Variants in MAP3K9 observed in about 807,000 individuals in gnomAD.
MAP3K9 encodes mitogen-activated protein kinase kinase kinase 9, also known as mixed lineage kinase 1 (tyr and ser/thr specificity).
MAP3K9 carries 46 observed loss-of-function variants against 95.8 expected under a neutral mutation model. The ratio of observed to expected loss-of-function variants is 0.48; its 90% CI spans 0.38 to 0.61. MAP3K9 has a LOEUF of 0.61. Ranked by LOEUF, MAP3K9 falls within the 20% of genes least tolerant of loss-of-function variation. The pLI, the probability that MAP3K9 is intolerant of heterozygous loss-of-function variation, is 0.00. For synonymous variants in MAP3K9, 533 were observed against 593.8 expected, an observed-to-expected ratio of 0.90 and a Z score of 1.49; for missense variants, 1,296 against 1,474.3, an observed-to-expected ratio of 0.88 and a Z score of 1.98.
chr14:70,785,614 T>C (rs1048083137), intron 2 of MAP3K9, among the ~76,000 whole-genome samples: 5 of 152,242 alleles, frequency 3.3e-5, no homozygotes, highest in Admixed American at 2.6e-4. Context: ...AGTGACACAG[T>C]GTTTGGTACT....
chr14:70,739,791 C>A, intron 7 of MAP3K9: 1 of 1,192,600 alleles, frequency 8.4e-7, no homozygotes, highest in East Asian at 2.6e-5. Context: ...CACTAAAGAT[C>A]CCATTAGTAC....
chr14:70,742,868 G>C (rs1353859542), intron 5 of MAP3K9, among the ~76,000 whole-genome samples: 1 of 148,898 alleles, frequency 6.7e-6, no homozygotes, highest in Non-Finnish European at 1.5e-5. Context: ...GTTTCTAGTC[G>C]CTCCTTCCTT....
chr14:70,776,081 C>T (rs1281938667), intron 2 of MAP3K9, among the ~76,000 whole-genome samples: 2 of 152,050 alleles, frequency 1.3e-5, no homozygotes, highest in Non-Finnish European at 2.9e-5. Context: ...CCCAGCTTCT[C>T]GGGAGGCTGA....
chr14:70,733,518 AC>A (rs979579984), intron 10 of MAP3K9, 176 bp from the exon 11 acceptor site: 5 of 602,362 alleles, frequency 8.3e-6, no homozygotes, highest in Non-Finnish European at 6.0e-6. Flanking sequence ...GGCTTTATCC[AC>A]CCCCCAACAC....
chr14:70,743,383 T>C (rs1489309251), intron 5 of MAP3K9, among the ~76,000 whole-genome samples: 1 of 152,110 alleles, frequency 6.6e-6, no homozygotes, highest in African/African-American at 2.4e-5. Flanking sequence ...CTAAAGAGCT[T>C]CTGCACAGCA....
intron 1 of MAP3K9, among the ~76,000 whole-genome samples, chr14:70,801,888 G>A (rs1413450675): frequency 6.6e-6 from 1 of 152,156 alleles, no homozygotes; most frequent in Non-Finnish European, 1.5e-5. Flanking sequence ...GAAGTATACG[G>A]TATATTAGGA....
intron 3 of MAP3K9, 89 bp from the exon 4 acceptor site, chr14:70,750,170 T>C: frequency 8.7e-7 from 1 of 1,149,566 alleles, no homozygotes; most frequent in Non-Finnish European, 1.3e-6. Flanking sequence ...GCATCCCACA[T>C]TCTCCCCAAC....
At position 70,725,710 on chromosome 14, in the gene MAP3K9, A is replaced by G. The variant is rs2053810969; in HGVS notation, c.*4670T>C. 1 of 152,238 alleles carries G rather than the reference A, an allele frequency of 6.6e-6. No individual in the cohort carries two copies. Among genetic ancestry groups the G allele is most frequent in the Non-Finnish European group, 1.5e-5 (1 of 68,040 alleles). 9.4% of individuals were successfully genotyped at this position (152,238 alleles called of 1,614,324 possible). ...GGTAATGCGTTTCTAACAATAGTAT[A>G]CCTTGACAAAGACAAGTCATTCTCA... is the stretch of plus-strand genomic sequence containing the variant. On this transcript the variant is annotated 3_prime_UTR_variant, in exon 12 of 12. Coordinates refer to ENST00000554752, the MANE Select transcript of MAP3K9 (RefSeq NM_001284230.2).
intron 2 of MAP3K9, among the ~76,000 whole-genome samples, chr14:70,786,757 G>GT (rs747763607): frequency 1.3e-5 from 2 of 152,232 alleles, no homozygotes; most frequent in Non-Finnish European, 2.9e-5. Flanking sequence ...GTTCACAACT[G>GT]TAAGGTTCCA....
Position 70,732,955 on chromosome 14 carries a change from C to T in MAP3K9, c.2414G>A (p.Arg805His), listed in dbSNP as rs755374301. 51 of 1,613,992 alleles carry T rather than the reference C, an allele frequency of 3.2e-5. No homozygotes were observed. The highest frequency in any genetic ancestry group is 8.0e-5 in the African/African-American group (6 of 74,898). Residue 805 changes from arginine (R) to histidine (H), a missense_variant, in exon 11 of 12, where the codon CGT becomes CAT. Arg to His is a conservative substitution (Grantham distance 29). Transcript: ENST00000554752. ...TCGGGATGGGGGGCTGGTGCTCCGA[C>T]GAGGACGGCTGGACCTCTGAAAAAG... ...EGLFQRSSRP[R>H]RSTSPPSRKL...
At chr14:70,776,692 T>C (rs1360773106) in intron 2 of MAP3K9, among the ~76,000 whole-genome samples, 4 of 152,096 alleles carry the variant, frequency 2.6e-5, no homozygotes, top group Non-Finnish European at 5.9e-5. Context: ...GTAGGTCCCA[T>C]ATAGCTGTTC....
chr14:70,734,531 C>G (rs202011736), intron 9 of MAP3K9, 33 bp from the exon 10 acceptor site: 1 of 1,277,688 alleles, frequency 7.8e-7, no homozygotes, highest in African/African-American at 1.5e-5. Context: ...ACTGTCAGAA[C>G]TGGTTACCTT....
chr14:70,747,006 A>C (rs574265567), intron 5 of MAP3K9, among the ~76,000 whole-genome samples: 1 of 152,216 alleles, frequency 6.6e-6, no homozygotes, highest in Non-Finnish European at 1.5e-5. Context: ...CAGGGACCCT[A>C]AAGAGTCATT....
chr14:70,749,612 G>A (rs190056255), intron 4 of MAP3K9: 6 of 239,568 alleles, frequency 2.5e-5, no homozygotes, highest in Non-Finnish European at 4.0e-5. Context: ...TGTTCTTCAC[G>A]TCTCTTAAGG....
intron 1 of MAP3K9, 117 bp from the exon 2 acceptor site, chr14:70,801,197 G>T: frequency 2.1e-6 from 2 of 950,880 alleles, no homozygotes; most frequent in Admixed American, 2.8e-5. Flanking sequence ...GGGCCTTTCT[G>T]TCTCCCCATT....
chr14:70,747,558 G>A (rs912829301), intron 5 of MAP3K9, among the ~76,000 whole-genome samples: 1 of 152,114 alleles, frequency 6.6e-6, no homozygotes, highest in Non-Finnish European at 1.5e-5. Flanking sequence ...TCGGTTTTTG[G>A]AATCAGAAGA....
chr14:70,809,336 T>C lies in MAP3K9; in HGVS notation c.-165A>G. The C allele has an allele frequency of 1.1e-6, 1 of 892,308 alleles. No individual in the cohort carries two copies. The highest frequency in any genetic ancestry group is 1.5e-6 in the Non-Finnish European group (1 of 678,434). The allele number at this position is 892,308 out of a possible 1,614,324, so 55.3% of individuals were successfully genotyped here. A position where few individuals can be genotyped will look rare whatever the true frequency, so the allele number is the denominator to read the frequency against. ...GGGAGAGCCGGCTCGCCGGCGCTGT[T>C]ACCGCGGTACGAGAAGAGCGCCGAG... On this transcript the variant is annotated 5_prime_UTR_variant, in exon 1 of 12. Coordinates refer to ENST00000554752, the MANE Select transcript of MAP3K9 (RefSeq NM_001284230.2).
chr14:70,730,091 A>G lies in MAP3K9; in HGVS notation c.*289T>C, dbSNP rs1044090389. On this transcript the variant is annotated 3_prime_UTR_variant, in exon 12 of 12. Transcript: ENST00000554752. ...CTGAGTGACTCTGCAGGGTCACTCTAAAGGCAAGGAAGACTGTGGAGGGTG... is the reference window on the plus strand; with the variant it reads ...CTGAGTGACTCTGCAGGGTCACTCTGAAGGCAAGGAAGACTGTGGAGGGTG... 18 of 401,762 alleles carry G rather than the reference A, an allele frequency of 4.5e-5. No individual in the cohort carries two copies. The highest frequency in any genetic ancestry group is 2.8e-4 in the African/African-American group (14 of 49,878). The allele number at this position is 401,762 out of a possible 1,614,324, so 24.9% of individuals were successfully genotyped here.
chr14:70,801,414 C>G (rs2054929097), intron 1 of MAP3K9, among the ~76,000 whole-genome samples: 1 of 152,100 alleles, frequency 6.6e-6, no homozygotes, highest in African/African-American at 2.4e-5. Context: ...TTCTTTCTTC[C>G]TTTAAAATAC....
Sources: gnomAD v4.1 joint callset for allele counts (sites outside exome capture counted in the v4.1 genomes callset) on GRCh38, gnomAD v4.1.1 for gene constraint, MANE v1.5 for transcripts, NCBI Gene and HGNC (gene_info 2026-07-23, HGNC 2026-07-21) for gene names.